CRYBB2: variants seen among roughly 807,000 people sequenced by gnomAD.
CRYBB2 encodes the protein crystallin beta B2, also known as beta-crystallin B2.
Under a neutral mutation model 24.3 loss-of-function variants are expected in CRYBB2, and 12 were observed. The observed-to-expected ratio is 0.49, with a 90% CI of 0.32 to 0.80. The LOEUF is 0.80. Ranked by LOEUF, CRYBB2 falls within the 30% of genes least tolerant of loss-of-function variation. The pLI is 0.04. For synonymous variants in CRYBB2, 98 were observed against 101.6 expected (o/e 0.96, Z 0.21); for missense variants, 198 against 268.5 (o/e 0.74, Z 1.83).
chr22:25,218,099 A>G (rs185859343), upstream of CRYBB2, among the ~76,000 whole-genome samples: 230 of 152,078 alleles, frequency 1.5e-3, 1 homozygote, highest in African/African-American at 5.1e-3. Context: ...CTCTACTAAA[A>G]ATACAAAAAA....
At chr22:25,227,495 A>T (rs2146091926) in intron 3 of CRYBB2, among the ~76,000 whole-genome samples, 1 of 151,154 alleles carries the variant, frequency 6.6e-6, no homozygotes, top group South Asian at 2.1e-4. Flanking sequence ...CAAACGCTAC[A>T]AATCAAGAGT....
In CRYBB2 at chr22:25,227,537, C is replaced by T. The variant is rs144769171; in HGVS notation, c.174-316C>T. Among the ~76,000 whole-genome samples, 594 of 150,488 alleles carry T rather than the reference C, an allele frequency of 3.9e-3. 25 individuals carry two copies. The highest frequency in any genetic ancestry group is 0.034 in the Admixed American group (506 of 15,016). Reference sequence around the variant, plus strand: ...TTTCGTTTTGTTTTTTGAGAGTTGGCTATTAACTTACCAGCATACTATTGG... The same window carrying T: ...TTTCGTTTTGTTTTTTGAGAGTTGGTTATTAACTTACCAGCATACTATTGG... On this transcript the variant is annotated intron_variant, in intron 3 of 5. Coordinates refer to ENST00000398215, the MANE Select transcript of CRYBB2 (RefSeq NM_000496.3).
upstream of CRYBB2, among the ~76,000 whole-genome samples, chr22:25,215,879 C>A (rs992942004): frequency 1.4e-4 from 22 of 152,130 alleles, no homozygotes; most frequent in African/African-American, 5.1e-4. Flanking sequence ...TTAATGGAAC[C>A]AGACAGTTTC....
chr22:25,216,729 C>T (rs1276631436), upstream of CRYBB2, among the ~76,000 whole-genome samples: 1 of 152,162 alleles, frequency 6.6e-6, no homozygotes, highest in Non-Finnish European at 1.5e-5. Flanking sequence ...CCATCCCCAG[C>T]TTTTCCATCA....
At chr22:25,226,918 C>T (rs117545845) in intron 3 of CRYBB2, among the ~76,000 whole-genome samples, 15,760 of 152,182 alleles carry the variant, frequency 0.1, 822 homozygotes, top group African/African-American at 0.11. Context: ...AGGTGATCCG[C>T]TCACCTCGGC....
At chr22:25,211,837 A>G (rs535582628), upstream of CRYBB2, among the ~76,000 whole-genome samples, 1 of 152,346 alleles carries the variant, frequency 6.6e-6, no homozygotes, top group African/African-American at 2.4e-5. Context: ...GAGAGGCAGT[A>G]TTGCTCAGTG....
intron 3 of CRYBB2, 99 bp downstream of exon 3, chr22:25,225,135 G>A (rs949604949): frequency 2.3e-5 from 18 of 798,428 alleles, no homozygotes; most frequent in East Asian, 7.3e-5. Flanking sequence ...GCAAATCTGG[G>A]AACCAAGTTT....
At chr22:25,216,350 C>CT (rs554819063), upstream of CRYBB2, among the ~76,000 whole-genome samples, 92 of 152,270 alleles carry the variant, frequency 6.0e-4, no homozygotes, top group Non-Finnish European at 1.0e-3. Context: ...GACTGGTATC[C>CT]TTATAGGCAC....
At chr22:25,226,610 A>G (rs1235456183) in intron 3 of CRYBB2, among the ~76,000 whole-genome samples, 1 of 152,236 alleles carries the variant, frequency 6.6e-6, no homozygotes, top group Non-Finnish European at 1.5e-5. Context: ...ATTATAAACA[A>G]TGCCACAGTG....
upstream of CRYBB2, among the ~76,000 whole-genome samples, chr22:25,211,799 G>A (rs1234364958): frequency 1.3e-5 from 2 of 152,160 alleles, no homozygotes; most frequent in Non-Finnish European, 1.5e-5. Context: ...GAGGTTTAGC[G>A]CCAAGAGATC....
At chr22:25,218,819 A>AG (rs1491312147), upstream of CRYBB2, among the ~76,000 whole-genome samples, 93 of 65,896 alleles carry the variant, frequency 1.4e-3, no homozygotes, top group Non-Finnish European at 2.1e-3. Flanking sequence ...AGAAAGAAAG[A>AG]AAGAAAGAAA....
intron 1 of CRYBB2, 81 bp from the exon 2 acceptor site, chr22:25,221,323 G>T: frequency 1.2e-6 from 1 of 842,338 alleles, no homozygotes; most frequent in South Asian, 1.3e-5. Context: ...TGGGGCCAGA[G>T]GGGAGTGGTC....
At chr22:25,215,134 C>G (rs1430848098), upstream of CRYBB2, among the ~76,000 whole-genome samples, 1 of 152,190 alleles carries the variant, frequency 6.6e-6, no homozygotes, top group Non-Finnish European at 1.5e-5. Context: ...AAACTGGCCC[C>G]AAAACTGGCC....
intron 1 of CRYBB2, among the ~76,000 whole-genome samples, chr22:25,220,168 A>C (rs541959768): frequency 6.6e-6 from 1 of 152,344 alleles, no homozygotes; most frequent in East Asian, 1.9e-4. Flanking sequence ...CCACTAAAGC[A>C]TGGTAGAAAT....
At chr22:25,218,847 A>AGG (rs145386568), upstream of CRYBB2, among the ~76,000 whole-genome samples, 13,061 of 106,612 alleles carry the variant, frequency 0.12, 1,663 homozygotes, top group African/African-American at 0.18. Flanking sequence ...AGAGAAAGAA[A>AGG]GAAAGAAAGA....
Position 25,231,775 on chromosome 22 carries a change from C to A in CRYBB2, c.*3C>A, listed in dbSNP as rs1920986316. 1 of 1,613,714 alleles carries A rather than the reference C, an allele frequency of 6.2e-7. No homozygotes were observed. On this transcript the variant is annotated 3_prime_UTR_variant, in exon 6 of 6. Coordinates refer to ENST00000398215, the MANE Select transcript of CRYBB2 (RefSeq NM_000496.3). Reference sequence around the variant, plus strand: ...GTGCCTTCCACCCCTCCAACTAGTGCCCTCCCCACCATGCCTCCTTCCCAG... The same window carrying A: ...GTGCCTTCCACCCCTCCAACTAGTGACCTCCCCACCATGCCTCCTTCCCAG...
upstream of CRYBB2, among the ~76,000 whole-genome samples, chr22:25,215,206 G>A (rs1306059024): frequency 6.6e-6 from 1 of 152,222 alleles, no homozygotes; most frequent in African/African-American, 2.4e-5. Flanking sequence ...CACGCTGGAA[G>A]TTTGTGGGTT....
chr22:25,228,928 G>A (rs1935472647), intron 4 of CRYBB2, among the ~76,000 whole-genome samples: 1 of 152,164 alleles, frequency 6.6e-6, no homozygotes, highest in Non-Finnish European at 1.5e-5. Flanking sequence ...GTACATGTGT[G>A]GGTGTGCACG....
chr22:25,228,338 C>T (rs1305286637), intron 4 of CRYBB2, among the ~76,000 whole-genome samples: 1 of 147,370 alleles, frequency 6.8e-6, no homozygotes, highest in Non-Finnish European at 1.5e-5. Context: ...GTGGTTGGTG[C>T]CCGCCCCCCG....
Sources: gnomAD v4.1 joint callset for allele counts (sites outside exome capture counted in the v4.1 genomes callset) on GRCh38, gnomAD v4.1.1 for gene constraint, MANE v1.5 for transcripts, NCBI Gene and HGNC (gene_info 2026-07-23, HGNC 2026-07-21) for gene names.